FAP: variants seen among roughly 807,000 people sequenced by gnomAD.
FAP encodes prolyl endopeptidase FAP.
In FAP, 110 loss-of-function variants were observed where a neutral mutation model predicts 126.5. That is an observed-to-expected ratio of 0.87 (90% CI 0.74 to 1.02). The LOEUF is 1.02. FAP is among the 50% of genes least tolerant of loss of function. FAP has a pLI of 0.00. For missense variants in FAP, 919 were observed against 909.2 expected (o/e 1.01, Z -0.14); for synonymous variants, 334 against 297.3 (o/e 1.12, Z -1.27).
At chr2:162,183,853 T>A (rs1687774428) in intron 20 of FAP, among the ~76,000 whole-genome samples, 1 of 152,152 alleles carries the variant, frequency 6.6e-6, no homozygotes, top group Non-Finnish European at 1.5e-5. Context: ...AGGATTTTGT[T>A]CTTGCTGCTT....
intron 17 of FAP, among the ~76,000 whole-genome samples, chr2:162,190,761 T>A (rs1048085926): frequency 1.3e-5 from 2 of 152,096 alleles, no homozygotes; most frequent in African/African-American, 4.8e-5. Flanking sequence ...TTTTTATGCC[T>A]TTTTGAAAGA....
intron 12 of FAP, among the ~76,000 whole-genome samples, chr2:162,204,055 A>G (rs960946756): frequency 6.6e-6 from 1 of 152,180 alleles, no homozygotes; most frequent in African/African-American, 2.4e-5. Flanking sequence ...TACATCATGC[A>G]GAGCAGATTT....
intron 2 of FAP, among the ~76,000 whole-genome samples, chr2:162,230,064 C>T (rs970573099): frequency 6.6e-6 from 1 of 152,038 alleles, no homozygotes; most frequent in Non-Finnish European, 1.5e-5. Flanking sequence ...GCTTTGAAAC[C>T]GTATCATATG....
rs568769628 is a variant in FAP at position 162,215,900 on chromosome 2, T to G, written c.864A>C (p.Ser288=). The change falls in exon 10 of 26, where the codon TCA becomes TCC. Residue 288 remains serine (S), a splice_region_variant and synonymous_variant. Coordinates refer to ENST00000188790, the MANE Select transcript of FAP (RefSeq NM_004460.5). ...GGGAGGGATCTGAGATGAACTACCT[T>G]GAGGCTATCATTGCTGGAACAGGCA... ...QEVPVPAMIA[S]SDYYFSWLTW... is the part of the protein sequence containing the mutation. 182 of 1,608,644 alleles carry G rather than the reference T, an allele frequency of 1.1e-4. No homozygotes were observed. The highest frequency in any genetic ancestry group is 5.0e-5 in the Admixed American group (3 of 59,992).
intron 19 of FAP, among the ~76,000 whole-genome samples, chr2:162,188,730 G>A (rs542970425): frequency 1.3e-5 from 2 of 151,930 alleles, no homozygotes; most frequent in Non-Finnish European, 2.9e-5. Context: ...CTGATTTTGG[G>A]TGTGATTCCA....
chr2:162,230,444 A>C (rs960152599), intron 2 of FAP, among the ~76,000 whole-genome samples: 1 of 152,056 alleles, frequency 6.6e-6, no homozygotes, highest in African/African-American at 2.4e-5. Flanking sequence ...AAGTAGAAGC[A>C]GTGATTGATT....
chr2:162,229,393 C>T (rs74986295), intron 2 of FAP, among the ~76,000 whole-genome samples: 7 of 152,160 alleles, frequency 4.6e-5, no homozygotes, highest in Non-Finnish European at 1.0e-4. Context: ...TTCTGAATAT[C>T]TACTAAAACC....
At chr2:162,233,302 C>T (rs1689975024) in intron 2 of FAP, among the ~76,000 whole-genome samples, 2 of 152,068 alleles carry the variant, frequency 1.3e-5, no homozygotes, top group Non-Finnish European at 2.9e-5. Context: ...CCTTCCTCTT[C>T]CTTAACCAAC....
At chr2:162,204,131 G>T (rs1688606492) in intron 12 of FAP, among the ~76,000 whole-genome samples, 1 of 152,098 alleles carries the variant, frequency 6.6e-6, no homozygotes, top group African/African-American at 2.4e-5. Flanking sequence ...ACAACAAAAA[G>T]CTACTAGTAT....
chr2:162,189,793 T>C (rs772875835), intron 17 of FAP, 39 bp from the exon 18 acceptor site: 1 of 1,196,778 alleles, frequency 8.4e-7, no homozygotes, highest in Non-Finnish European at 1.2e-6. Context: ...TCAATAGTAT[T>C]TCCATAAACA....
At chr2:162,194,895 A>T in intron 16 of FAP, 147 bp from the exon 17 acceptor site, 2 of 706,584 alleles carry the variant, frequency 2.8e-6, no homozygotes, top group South Asian at 3.3e-5. Flanking sequence ...TAGAGAAGAA[A>T]ACATCACTTC....
chr2:162,223,865 C>T, intron 5 of FAP, among the ~76,000 whole-genome samples: 1 of 152,060 alleles, frequency 6.6e-6, no homozygotes, highest in East Asian at 1.9e-4. Context: ...TGTGCAAGTT[C>T]CAGAACTAAT....
intron 21 of FAP, among the ~76,000 whole-genome samples, chr2:162,182,436 C>A (rs1201081520): frequency 2.0e-5 from 3 of 152,106 alleles, no homozygotes; most frequent in Non-Finnish European, 4.4e-5. Context: ...GAATTTCATT[C>A]TGTTTAGATA....
In FAP at chr2:162,226,385, C is replaced by A; in HGVS notation, c.190+138G>T. The A allele has an allele frequency of 1.2e-5, 6 of 492,080 alleles. No individual in the cohort carries two copies. In the South Asian group the frequency reaches 2.1e-4, roughly 17 times the overall value. 30.5% of individuals were successfully genotyped at this position (492,080 alleles called of 1,614,324 possible). On this transcript the variant is annotated intron_variant, in intron 3 of 25. Transcript: ENST00000188790. ...TTTGTCAAAAGCGCTTTTTTGAGCA[C>A]TTGAATCATTCAGATAATTGTTCTT...
intron 6 of FAP, among the ~76,000 whole-genome samples, 189 bp from the exon 7 acceptor site, chr2:162,220,114 G>A (rs1160042803): frequency 6.6e-6 from 1 of 152,184 alleles, no homozygotes; most frequent in Non-Finnish European, 1.5e-5. Flanking sequence ...TGTTCTTCCA[G>A]TAGTTACTTA....
At chr2:162,240,070 G>A (rs1233872519) in intron 2 of FAP, among the ~76,000 whole-genome samples, 1 of 152,136 alleles carries the variant, frequency 6.6e-6, no homozygotes, top group African/African-American at 2.4e-5. Context: ...AGACGAAGAG[G>A]GGTGATGCTT....
In FAP at chr2:162,189,181, A is replaced by AG; in HGVS notation, c.1550-10_1550-9insC. The AG allele has an allele frequency of 6.6e-7, 1 of 1,510,166 alleles. No homozygotes were observed. Among genetic ancestry groups the AG allele is most frequent in the Non-Finnish European group, 9.0e-7 (1 of 1,109,856 alleles). The allele number at this position is 1,510,166 out of a possible 1,614,324, so 93.5% of individuals were successfully genotyped here. ...CATCTTGTACCATAAAGCTTTGAGG[A>AG]AAAAAAAAGGAGAAAAATCTTCATT... On this transcript the variant is annotated splice_polypyrimidine_tract_variant and intron_variant, in intron 18 of 25. Coordinates refer to ENST00000188790, the MANE Select transcript of FAP (RefSeq NM_004460.5).
At position 162,226,577 on chromosome 2, in the gene FAP, C is replaced by T. The variant is rs375223006; in HGVS notation, c.136G>A (p.Asp46Asn). The change falls in exon 3 of 26, where the codon GAT (aspartate) becomes AAT (asparagine). Residue 46 changes from aspartate (D) to asparagine (N), a missense_variant. Asp to Asn is a conservative substitution (Grantham distance 23, BLOSUM62 1). Transcript: ENST00000188790. The part of the protein sequence containing the change: ...ENTMRALTLK[D>N]ILNGTFSYKT... ...TAAGAAAATGTTCCATTTAAAATAT[C>T]CTTCAGTGTGAGTGCTCTCATTGTA... 3 of 1,599,762 alleles carry T rather than the reference C, an allele frequency of 1.9e-6. No individual in the cohort carries two copies. Among genetic ancestry groups the T allele is most frequent in the Non-Finnish European group, 8.5e-7 (1 of 1,171,922 alleles).
intron 6 of FAP, chr2:162,221,620 T>C: frequency 4.4e-6 from 2 of 455,620 alleles, no homozygotes; most frequent in Non-Finnish European, 8.8e-6. Context: ...TGTCTCAGTT[T>C]TCTACATACA....
Sources: allele counts gnomAD v4.1 joint callset (sites outside exome capture counted in the v4.1 genomes callset), GRCh38; gene constraint gnomAD v4.1.1; transcripts MANE v1.5; gene names NCBI Gene and HGNC (gene_info 2026-07-23, HGNC 2026-07-21).